The following RABGAP1 variants were observed in gnomAD, a reference collection of about 807,000 sequenced individuals.
RABGAP1 encodes RAB GTPase activating protein 1, also known as rab GTPase-activating protein 1.
RABGAP1 carries 23 observed loss-of-function variants against 137.6 expected under a neutral mutation model. The observed-to-expected ratio is 0.17, with a 90% CI of 0.12 to 0.24. RABGAP1 has a LOEUF of 0.24. Ranked by LOEUF, RABGAP1 falls within the 10% of genes least tolerant of loss-of-function variation. The probability of loss-of-function intolerance (pLI) is 1.00; values close to 1 mark genes in which losing one functional copy is unlikely to be tolerated. For synonymous variants in RABGAP1, 451 were observed against 450.7 expected (o/e 1.00, Z -0.01); for missense variants, 906 against 1,275.8 (o/e 0.71, Z 4.42).
the RABGAP1 span, among the ~76,000 whole-genome samples, chr9:122,932,701 A>G: frequency 2.6e-5 from 4 of 151,822 alleles, no homozygotes; most frequent in Non-Finnish European, 5.9e-5. Flanking sequence ...GGCTAATTTG[A>G]TATTTAGAGA....
At chr9:123,001,450 AT>A (rs761663571) in intron 10 of RABGAP1, among the ~76,000 whole-genome samples, 5 of 152,316 alleles carry the variant, frequency 3.3e-5, no homozygotes, top group Admixed American at 2.0e-4. Flanking sequence ...AAGAATTTTG[AT>A]TCTAGTATAC....
chr9:123,073,563 A>G lies in RABGAP1; in HGVS notation c.1995A>G (p.Glu665=). The change falls in exon 16 of 26, where the codon GAA becomes GAG. Residue 665 remains glutamate (E), a synonymous_variant. Coordinates refer to ENST00000373647, the MANE Select transcript of RABGAP1 (RefSeq NM_012197.4). ...AAVLLLHMPE[E]QAFSVLVKIM... is the part of the protein sequence containing the mutation. ...CCTATCTGTTACAGATGCCTGAAGA[A>G]CAGGCATTCAGTGTTCTGGTCAAGA... 6.2e-7 allele frequency: 1 copy of G among 1,612,546 alleles called. No individual in the cohort carries two copies. The highest frequency in any genetic ancestry group is 8.5e-7 in the Non-Finnish European group (1 of 1,179,292).
At chr9:122,946,241 A>G (rs2131586379) in intron 1 of RABGAP1, 1 of 152,282 alleles carries the variant, frequency 6.6e-6, no homozygotes, top group East Asian at 1.9e-4. Context: ...GACAAATTAT[A>G]TTTCTGCATT....
At chr9:123,073,857 C>G (rs1280341912) in intron 16 of RABGAP1, among the ~76,000 whole-genome samples, 180 bp downstream of exon 16, 1 of 152,176 alleles carries the variant, frequency 6.6e-6, no homozygotes, top group African/African-American at 2.4e-5. Context: ...AAGTGTTAAA[C>G]TTTCACACCT....
At chr9:122,956,700 T>C (rs1261638568) in intron 1 of RABGAP1, among the ~76,000 whole-genome samples, 4 of 151,854 alleles carry the variant, frequency 2.6e-5, no homozygotes, top group African/African-American at 4.8e-5. Context: ...CTAATACTTA[T>C]ATATTTTTGG....
At chr9:122,940,002 T>C (rs976778277), upstream of RABGAP1, 3 of 152,150 alleles carry the variant, frequency 2.0e-5, no homozygotes, top group Non-Finnish European at 2.9e-5. Flanking sequence ...TTTTATAAAT[T>C]ATCAAGTCTT....
chr9:122,978,204 A>G (rs79512095), intron 2 of RABGAP1, among the ~76,000 whole-genome samples: 309 of 152,222 alleles, frequency 2.0e-3, no homozygotes, highest in African/African-American at 7.2e-3. Context: ...CCTGATAACC[A>G]GTGATCTGAT....
At chr9:123,081,955 T>C (rs1325629661) in intron 19 of RABGAP1, among the ~76,000 whole-genome samples, 1 of 152,152 alleles carries the variant, frequency 6.6e-6, no homozygotes, top group Non-Finnish European at 1.5e-5. Flanking sequence ...CGCATTCCAC[T>C]GTCTCTTACC....
At chr9:123,065,083 C>G (rs569555500) in intron 13 of RABGAP1, among the ~76,000 whole-genome samples, 9 of 152,284 alleles carry the variant, frequency 5.9e-5, no homozygotes, top group South Asian at 2.1e-4. Context: ...GGGTCACCAG[C>G]TGCAGTTCTT....
At chr9:123,081,067 G>A (rs1038501724) in intron 19 of RABGAP1, among the ~76,000 whole-genome samples, 3 of 152,140 alleles carry the variant, frequency 2.0e-5, no homozygotes, top group Non-Finnish European at 4.4e-5. Context: ...CAACCAGGAT[G>A]AAGACCTTTA....
At chr9:123,047,941 T>TTG (rs2033288288) in intron 13 of RABGAP1, among the ~76,000 whole-genome samples, 1 of 94,214 alleles carries the variant, frequency 1.1e-5, no homozygotes, top group Non-Finnish European at 1.9e-5. Flanking sequence ...TTTTTTTTTT[T>TTG]TTTTTTTTTT....
chr9:123,047,919 GTTTTTTTTTTTTTTTTTTTTTTT>G (rs59639446), intron 13 of RABGAP1, among the ~76,000 whole-genome samples: 6 of 62,252 alleles, frequency 9.6e-5, no homozygotes, highest in Admixed American at 7.6e-4. Flanking sequence ...CAGCTGCTGG[GTTTTTTTTTTTTTTTTTTTTTTT>G]TTTTTTTTTT....
intron 13 of RABGAP1, among the ~76,000 whole-genome samples, chr9:123,023,669 G>GT (rs1053489573): frequency 1.1e-4 from 16 of 152,216 alleles, no homozygotes; most frequent in African/African-American, 3.6e-4. Context: ...TATTACAAAT[G>GT]TTTGTTTTTT....
intron 2 of RABGAP1, among the ~76,000 whole-genome samples, chr9:122,961,000 GAAA>G (rs1195799586): frequency 2.6e-5 from 4 of 151,618 alleles, no homozygotes. Flanking sequence ...AAACAATGTA[GAAA>G]AAAACAGGCT....
chr9:122,953,813 G>T (rs1234580668), intron 1 of RABGAP1, among the ~76,000 whole-genome samples: 2 of 152,006 alleles, frequency 1.3e-5, no homozygotes, highest in Non-Finnish European at 2.9e-5. Context: ...CTTTTTCCTT[G>T]GGTGGCTCTT....
At chr9:122,970,148 A>C (rs913473893) in intron 2 of RABGAP1, among the ~76,000 whole-genome samples, 2 of 150,986 alleles carry the variant, frequency 1.3e-5, no homozygotes, top group Non-Finnish European at 2.9e-5. Flanking sequence ...TCTTGGCCTC[A>C]AGTGGTCCAC....
At chr9:122,950,887 A>C (rs1834210148) in intron 1 of RABGAP1, among the ~76,000 whole-genome samples, 1 of 152,222 alleles carries the variant, frequency 6.6e-6, no homozygotes. Flanking sequence ...AAAGGAACCT[A>C]AATCAGAACT....
At position 123,070,104 on chromosome 9, in the gene RABGAP1, C is replaced by T. The variant is rs1049083843; in HGVS notation, c.1909-246C>T. 6.6e-6 allele frequency among the ~76,000 whole-genome samples: 1 copy of T among 152,014 alleles called. No homozygotes were observed. The highest frequency in any genetic ancestry group is 6.6e-5 in the Admixed American group (1 of 15,256). On this transcript the variant is annotated intron_variant, in intron 14 of 25. Transcript: ENST00000373647. The surrounding 1 kb of genome is among the most constrained non-coding windows in gnomAD (Gnocchi z 4.4). ...AGGAAATACGAAGTTTTTTTTAGCG[C>T]AGAAGTGGTTTTTCCTTAATCTTCC... is the stretch of plus-strand genomic sequence containing the variant.
chr9:123,085,360 CTCTCAGGA>C (rs2034832180), intron 19 of RABGAP1, among the ~76,000 whole-genome samples: 2 of 152,166 alleles, frequency 1.3e-5, no homozygotes, highest in African/African-American at 4.8e-5. Flanking sequence ...GGAACCATGG[CTCTCAGGA>C]GACTTTCAAA....
Sources: gnomAD v4.1 joint callset for allele counts (sites outside exome capture counted in the v4.1 genomes callset) on GRCh38, gnomAD v4.1.1 for gene constraint, Gnocchi (gnomAD v3.1) non-coding constraint, MANE v1.5 for transcripts, NCBI Gene and HGNC (gene_info 2026-07-23, HGNC 2026-07-21) for gene names.